Variants in SV2B observed in about 807,000 individuals in gnomAD.
SV2B encodes synaptic vesicle glycoprotein 2B, also known as solute carrier family 22 member B2.
In SV2B, 41 loss-of-function variants were observed where a neutral mutation model predicts 73.9. That is an observed-to-expected ratio of 0.56 (90% confidence interval 0.43 to 0.72). SV2B has a LOEUF of 0.72. SV2B is among the 30% of genes least tolerant of loss of function. SV2B has a pLI of 0.00. For missense variants in SV2B, 764 were observed against 857.8 expected, an observed-to-expected ratio of 0.89 and a Z score of 1.37; for synonymous variants, 314 against 314.2, an observed-to-expected ratio of 1.00 and a Z score of 0.01.
intron 2 of SV2B, among the ~76,000 whole-genome samples, chr15:91,249,212 C>T (rs1168575840): frequency 6.6e-6 from 1 of 152,044 alleles, no homozygotes; most frequent in Non-Finnish European, 1.5e-5. Flanking sequence ...AAGAAGTTGC[C>T]CGAACATATC....
chr15:91,112,478 A>G (rs2042064307), intron 1 of SV2B, among the ~76,000 whole-genome samples: 1 of 152,262 alleles, frequency 6.6e-6, no homozygotes, highest in Admixed American at 6.5e-5. Flanking sequence ...TCTGAGGCAC[A>G]GAAAGATCCC....
intron 1 of SV2B, among the ~76,000 whole-genome samples, chr15:91,188,377 G>T (rs1361061788): frequency 1.3e-5 from 2 of 151,960 alleles, no homozygotes; most frequent in Non-Finnish European, 2.9e-5. Context: ...GCAGTGGCAA[G>T]ATCTTGGCTC....
chr15:91,231,496 T>C lies in SV2B; in HGVS notation c.451+4782T>C, dbSNP rs1299753635. Among the ~76,000 whole-genome samples the C allele has an allele frequency of 5.9e-5, 9 of 152,198 alleles. No homozygotes were observed. Among genetic ancestry groups the C allele is most frequent in the Non-Finnish European group, 2.9e-5 (2 of 68,024 alleles). ...TTTGAGTGTGGGAGCCTTGTCTCCC[T>C]GGAGCTATTACTATTAAATGGCAAA... is the stretch of plus-strand genomic sequence containing the variant. On this transcript the variant is annotated intron_variant, in intron 2 of 12. Coordinates refer to ENST00000394232, the MANE Select transcript of SV2B (RefSeq NM_001323032.3). This position sits in a 1 kb window ranked among gnomAD's most constrained non-coding sequence, Gnocchi z 4.5.
chr15:91,265,872 G>A lies in SV2B; in HGVS notation c.1009-710G>A, dbSNP rs1255137569. ...AGAACCACTGTTTTGGCTGGGCGCAGTGGCTCACGCCTATAATCCCAGCAC... is the reference window on the plus strand; with the variant it reads ...AGAACCACTGTTTTGGCTGGGCGCAATGGCTCACGCCTATAATCCCAGCAC... On this transcript the variant is annotated intron_variant, in intron 6 of 12. Coordinates refer to ENST00000394232, the MANE Select transcript of SV2B (RefSeq NM_001323032.3). The surrounding 1 kb of genome is among the most constrained non-coding windows in gnomAD (Gnocchi z 4.2). Among the ~76,000 whole-genome samples, 1 of 152,268 alleles carries A rather than the reference G, an allele frequency of 6.6e-6. No individual in the cohort carries two copies. Among genetic ancestry groups the A allele is most frequent in the Admixed American group, 6.5e-5 (1 of 15,286 alleles).
At chr15:91,102,252 A>G (rs1242129108) in intron 1 of SV2B, 1 of 152,210 alleles carries the variant, frequency 6.6e-6, no homozygotes, top group Non-Finnish European at 1.5e-5. Context: ...CGCCTACATC[A>G]TCATTAAGGT....
intron 1 of SV2B, among the ~76,000 whole-genome samples, chr15:91,175,015 C>T (rs41376547): frequency 0.089 from 13,615 of 152,200 alleles, 899 homozygotes; most frequent in African/African-American, 0.18. Context: ...ATCAGCCCTG[C>T]AGCTATGTCG....
chr15:91,113,277 G>A (rs2042087263), intron 1 of SV2B, among the ~76,000 whole-genome samples: 2 of 152,168 alleles, frequency 1.3e-5, no homozygotes, highest in African/African-American at 2.4e-5. Flanking sequence ...TTGTTGATGC[G>A]GTGAGAAAGG....
At chr15:91,266,740 C>G in intron 7 of SV2B, 48 bp downstream of exon 7, 1 of 1,449,236 alleles carries the variant, frequency 6.9e-7, no homozygotes, top group South Asian at 1.2e-5. Context: ...CTATGGGAGT[C>G]TCTTACCTTA....
At position 91,281,719 on chromosome 15, in the gene SV2B, T is replaced by C. The variant is rs2141759070; in HGVS notation, c.1374-9T>C. 1.3e-6 allele frequency: 2 copies of C among 1,590,552 alleles called. No homozygotes were observed. ...GATGAATCACTCAAGGGTCAACCTC[T>C]TCCCACAGGTTCACAAGAATGTACT... On this transcript the variant is annotated splice_polypyrimidine_tract_variant and intron_variant, in intron 9 of 12. Coordinates refer to ENST00000394232, the MANE Select transcript of SV2B (RefSeq NM_001323032.3). This position sits in a 1 kb window ranked among gnomAD's most constrained non-coding sequence, Gnocchi z 4.7.
At chr15:91,256,638 C>T (rs1322500838) in intron 4 of SV2B, among the ~76,000 whole-genome samples, 1 of 152,108 alleles carries the variant, frequency 6.6e-6, no homozygotes, top group African/African-American at 2.4e-5. Flanking sequence ...TTAAAGTGAA[C>T]GAACAAACCT....
intron 1 of SV2B, among the ~76,000 whole-genome samples, chr15:91,111,590 G>C (rs2042037727): frequency 2.6e-5 from 4 of 152,200 alleles, no homozygotes. Flanking sequence ...GCTGTTGTGG[G>C]GAGGATAGGG....
intron 1 of SV2B, among the ~76,000 whole-genome samples, chr15:91,182,069 A>T (rs2044600975): frequency 6.6e-6 from 1 of 152,184 alleles, no homozygotes. Context: ...ATAGAACCAC[A>T]TTATCACTGG....
Position 91,220,322 on chromosome 15 carries a change from T to C in SV2B, c.-391-5551T>C, listed in dbSNP as rs553046951. On this transcript the variant is annotated intron_variant, in intron 1 of 12. Transcript: ENST00000394232. The surrounding 1 kb of genome is among the most constrained non-coding windows in gnomAD (Gnocchi z 4.1). ...TAATGGATGTGTAGTGATATCTTAC[T>C]GTGGGGTCAAGCAGGTTTTTGTTCA... Among the ~76,000 whole-genome samples the C allele has an allele frequency of 6.6e-6, 1 of 152,358 alleles. No homozygotes were observed. The highest frequency in any genetic ancestry group is 1.5e-5 in the Non-Finnish European group (1 of 68,030).
chr15:91,291,943 T>C (rs1460255836), intron 12 of SV2B, among the ~76,000 whole-genome samples: 1 of 152,208 alleles, frequency 6.6e-6, no homozygotes, highest in Non-Finnish European at 1.5e-5. Context: ...GGGGAAATGC[T>C]GTTTGTGGGC....
At chr15:91,248,191 G>A (rs2047324135) in intron 2 of SV2B, among the ~76,000 whole-genome samples, 1 of 152,024 alleles carries the variant, frequency 6.6e-6, no homozygotes, top group Non-Finnish European at 1.5e-5. Context: ...CGTGGTGGTG[G>A]GCGCCTGTAG....
At chr15:91,221,502 G>A (rs1009718951) in intron 1 of SV2B, among the ~76,000 whole-genome samples, 5 of 152,026 alleles carry the variant, frequency 3.3e-5, no homozygotes. Context: ...ATGCTGGAAA[G>A]GTTTCCAGTC....
At chr15:91,101,228 A>G (rs1187644918) in intron 1 of SV2B, among the ~76,000 whole-genome samples, 1 of 151,796 alleles carries the variant, frequency 6.6e-6, no homozygotes, top group Non-Finnish European at 1.5e-5. Flanking sequence ...GGGCTCAGAG[A>G]GTGGCAGGTG....
chr15:91,209,794 G>A (rs774610326), intron 1 of SV2B, among the ~76,000 whole-genome samples: 5 of 152,172 alleles, frequency 3.3e-5, no homozygotes, highest in Non-Finnish European at 5.9e-5. Context: ...TGAGTGAGAA[G>A]CTCCTGACAT....
intron 1 of SV2B, among the ~76,000 whole-genome samples, chr15:91,158,714 CTCT>C (rs2043597267): frequency 1.1e-5 from 1 of 95,110 alleles, no homozygotes; most frequent in African/African-American, 4.2e-5. Flanking sequence ...CTCTCCTCTC[CTCT>C]CCTCTCCTCT....
Sources: allele counts gnomAD v4.1 joint callset (sites outside exome capture counted in the v4.1 genomes callset), GRCh38; gene constraint gnomAD v4.1.1; non-coding constraint Gnocchi (gnomAD v3.1); transcripts MANE v1.5; gene names NCBI Gene and HGNC (gene_info 2026-07-23, HGNC 2026-07-21).